The following MS4A15 variants were observed in gnomAD, a reference collection of about 807,000 sequenced individuals.
MS4A15 encodes membrane spanning 4-domains A15, also known as membrane-spanning 4-domains subfamily A member 15.
MS4A15 carries 22 observed loss-of-function variants against 20.6 expected under a neutral mutation model. The observed-to-expected ratio is 1.07, with a 90% CI of 0.76 to 1.52. The LOEUF is 1.52. Among genes scored for constraint, MS4A15 ranks in the 40% most tolerant of loss-of-function variants. MS4A15 has a pLI of 0.00. For missense variants in MS4A15, 312 were observed against 323.0 expected (o/e 0.97, Z 0.26); for synonymous variants, 129 against 129.3 (o/e 1.00, Z 0.02).
chr11:60,772,999 T>TC (rs1854080481), intron 4 of MS4A15, among the ~76,000 whole-genome samples: 1 of 151,818 alleles, frequency 6.6e-6, no homozygotes. Flanking sequence ...GCAAAGAGCC[T>TC]CCCCCAACCC....
chr11:60,768,975 C>T (rs117408493), intron 3 of MS4A15, among the ~76,000 whole-genome samples: 348 of 152,262 alleles, frequency 2.3e-3, no homozygotes, highest in Middle Eastern at 6.8e-3. Flanking sequence ...GGTCACCTGG[C>T]CATCCTTGGG....
At position 60,771,285 on chromosome 11, in the gene MS4A15, A is replaced by G; in HGVS notation, c.349-6A>G. ...AGGCCTCACCTGGTCCCCTCTCCCCATACAGTTCATCATCTCCGGATCCCT... is the reference window on the plus strand; with the variant it reads ...AGGCCTCACCTGGTCCCCTCTCCCCGTACAGTTCATCATCTCCGGATCCCT... On this transcript the variant is annotated splice_polypyrimidine_tract_variant and splice_region_variant and intron_variant, in intron 3 of 6. Coordinates refer to ENST00000405633, the MANE Select transcript of MS4A15 (RefSeq NM_001098835.2). The G allele has an allele frequency of 6.2e-7, 1 of 1,613,500 alleles. No homozygotes were observed. The highest frequency in any genetic ancestry group is 8.5e-7 in the Non-Finnish European group (1 of 1,179,918).
In MS4A15 at chr11:60,758,087, T is replaced by C. The variant is rs555085380; in HGVS notation, c.-29+1029T>C. 1.4e-3 allele frequency among the ~76,000 whole-genome samples: 211 copies of C among 152,288 alleles called. 5 individuals are homozygous for C. In the South Asian group the frequency reaches 0.042, roughly 31 times the overall value. On this transcript the variant is annotated intron_variant, in intron 1 of 6. Coordinates refer to ENST00000405633, the MANE Select transcript of MS4A15 (RefSeq NM_001098835.2). Reference sequence around the variant, plus strand: ...TTCAGCTGCAGAATATACTGTGTGGTGGAGTGAGTACAGTGATTTAGCCAT... The same window carrying C: ...TTCAGCTGCAGAATATACTGTGTGGCGGAGTGAGTACAGTGATTTAGCCAT...
intron 6 of MS4A15, among the ~76,000 whole-genome samples, chr11:60,774,864 G>A (rs182352676): frequency 2.0e-5 from 3 of 152,348 alleles, no homozygotes; most frequent in Admixed American, 2.0e-4. Flanking sequence ...AGGGGAGTGA[G>A]CTGGTTGAGG....
At chr11:60,758,821 C>T (rs536233496) in intron 1 of MS4A15, among the ~76,000 whole-genome samples, 3 of 152,322 alleles carry the variant, frequency 2.0e-5, no homozygotes, top group East Asian at 1.9e-4. Flanking sequence ...ACTGTCTTTA[C>T]AGATGGTTTA....
At chr11:60,764,812 G>C (rs931547407) in intron 2 of MS4A15, among the ~76,000 whole-genome samples, 4 of 152,136 alleles carry the variant, frequency 2.6e-5, no homozygotes, top group Non-Finnish European at 4.4e-5. Flanking sequence ...GGGAGGCTGA[G>C]GCAGGAGAAT....
chr11:60,774,162 C>A (rs1240231135), intron 6 of MS4A15, among the ~76,000 whole-genome samples: 1 of 152,052 alleles, frequency 6.6e-6, no homozygotes, highest in East Asian at 1.9e-4. Context: ...CCCATAACCC[C>A]AGCACTTTGA....
chr11:60,771,281 C>T lies in MS4A15; in HGVS notation c.349-10C>T, dbSNP rs1274437380. On this transcript the variant is annotated splice_polypyrimidine_tract_variant and intron_variant, in intron 3 of 6. Transcript: ENST00000405633. ...GCTGAGGCCTCACCTGGTCCCCTCTCCCCATACAGTTCATCATCTCCGGAT... is the reference window on the plus strand; with the variant it reads ...GCTGAGGCCTCACCTGGTCCCCTCTTCCCATACAGTTCATCATCTCCGGAT... The T allele has an allele frequency of 1.2e-6, 2 of 1,613,422 alleles. No homozygotes were observed. Among genetic ancestry groups the T allele is most frequent in the South Asian group, 1.1e-5 (1 of 90,994 alleles).
At chr11:60,765,181 G>A (rs935312072) in intron 2 of MS4A15, among the ~76,000 whole-genome samples, 3 of 152,116 alleles carry the variant, frequency 2.0e-5, no homozygotes, top group African/African-American at 4.8e-5. Flanking sequence ...GGCTGAAGCT[G>A]TTTGTCATTA....
chr11:60,763,451 A>G (rs1028532352), intron 1 of MS4A15, among the ~76,000 whole-genome samples: 2 of 152,180 alleles, frequency 1.3e-5, no homozygotes, highest in African/African-American at 4.8e-5. Flanking sequence ...TCCACATAAT[A>G]TAGCTCAGAG....
chr11:60,774,632 G>A (rs975253737), intron 6 of MS4A15, among the ~76,000 whole-genome samples: 4 of 152,132 alleles, frequency 2.6e-5, no homozygotes, highest in African/African-American at 7.2e-5. Flanking sequence ...GGGAGACAGG[G>A]GCATCAGGGA....
intron 1 of MS4A15, among the ~76,000 whole-genome samples, chr11:60,759,879 C>T (rs1853690557): frequency 6.6e-6 from 1 of 152,122 alleles, no homozygotes; most frequent in Non-Finnish European, 1.5e-5. Context: ...TCACCCTGTT[C>T]ACCCTGTTCT....
intron 6 of MS4A15, 87 bp downstream of exon 6, chr11:60,774,037 C>T: frequency 1.1e-6 from 1 of 941,342 alleles, no homozygotes; most frequent in Non-Finnish European, 1.7e-6. Flanking sequence ...CGCTCTGCCT[C>T]CAGACCCCTC....
intron 1 of MS4A15, among the ~76,000 whole-genome samples, chr11:60,758,164 G>A (rs780424296): frequency 6.6e-6 from 1 of 152,082 alleles, no homozygotes; most frequent in Non-Finnish European, 1.5e-5. Flanking sequence ...AACTTGATAT[G>A]CTATTGGGAA....
In MS4A15 at chr11:60,776,068, G is replaced by A. The variant is rs569511252; in HGVS notation, c.*353G>A. 5.0e-4 allele frequency: 88 copies of A among 175,368 alleles called. No homozygotes were observed. Among genetic ancestry groups the A allele is most frequent in the Middle Eastern group, 2.5e-3 (1 of 398 alleles). 10.9% of individuals were successfully genotyped at this position (175,368 alleles called of 1,614,324 possible). ...AGGTTCGAGGCCTGCCCTGACCCTC[G>A]GGCCTCGGGAAGGTCAGAGAGCCCG... is the stretch of plus-strand genomic sequence containing the variant. On this transcript the variant is annotated 3_prime_UTR_variant, in exon 7 of 7. Coordinates refer to ENST00000405633, the MANE Select transcript of MS4A15 (RefSeq NM_001098835.2).
rs371839020 is a variant in MS4A15, at chr11:60,773,896, A to G, written c.558A>G (p.Thr186=). The stretch of plus-strand genomic sequence containing the variant: ...TCTTCACTGTCCTGGAGTTCTTCAC[A>G]GCGGTCATTGCCATGCACTTCGGGT... ...LTIFTVLEFF[T]AVIAMHFGCQ... is the part of the protein sequence containing the mutation. Residue 186 remains threonine, a synonymous_variant, in exon 6 of 7, where the codon ACA becomes ACG. Coordinates refer to ENST00000405633, the MANE Select transcript of MS4A15 (RefSeq NM_001098835.2). 1.2e-6 allele frequency: 2 copies of G among 1,613,976 alleles called. No homozygotes were observed. Among genetic ancestry groups the G allele is most frequent in the African/African-American group, 2.7e-5 (2 of 74,908 alleles).
chr11:60,762,813 T>G (rs1853780554), intron 1 of MS4A15, among the ~76,000 whole-genome samples: 1 of 152,208 alleles, frequency 6.6e-6, no homozygotes, highest in Non-Finnish European at 1.5e-5. Context: ...GGAAAAATAC[T>G]GAGGCACTCT....
intron 3 of MS4A15, among the ~76,000 whole-genome samples, chr11:60,768,283 C>T (rs935052827): frequency 1.3e-5 from 2 of 152,330 alleles, no homozygotes; most frequent in African/African-American, 2.4e-5. Flanking sequence ...CAACCAAACC[C>T]CTCCCGCAGA....
At chr11:60,763,125 A>T (rs986793577) in intron 1 of MS4A15, among the ~76,000 whole-genome samples, 3 of 152,224 alleles carry the variant, frequency 2.0e-5, no homozygotes, top group South Asian at 2.1e-4. Context: ...CTTGGCATTC[A>T]CTGCAAGCTA....
Sources: gnomAD v4.1 joint callset for allele counts (sites outside exome capture counted in the v4.1 genomes callset) on GRCh38, gnomAD v4.1.1 for gene constraint, MANE v1.5 for transcripts, NCBI Gene and HGNC (gene_info 2026-07-23, HGNC 2026-07-21) for gene names.